Variants in CSMD1 observed in about 807,000 individuals in gnomAD.
The protein encoded by CSMD1 is CUB and Sushi multiple domains 1.
A neutral mutation model predicts 417.5 loss-of-function variants in CSMD1; 213 were observed. The ratio of observed to expected loss-of-function variants is 0.51; its 90% confidence interval spans 0.46 to 0.57. CSMD1 has a LOEUF of 0.57. Ranked by LOEUF, CSMD1 falls within the 20% of genes least tolerant of loss-of-function variation. The pLI, the probability that CSMD1 is intolerant of heterozygous loss-of-function variation, is 0.00. For synonymous variants in CSMD1, 2,862 were observed against 1,736.8 expected (o/e 1.65, Z -16.11); for missense variants, 6,923 against 4,529.7 (o/e 1.53, Z -15.17).
intron 2 of CSMD1, among the ~76,000 whole-genome samples, chr8:4,512,724 C>A (rs1416491814): frequency 1.3e-5 from 2 of 151,518 alleles, no homozygotes; most frequent in South Asian, 2.1e-4. Context: ...AGATATAAAT[C>A]TAGCAAAATA....
chr8:3,173,224 GT>G (rs1209014942), intron 37 of CSMD1, among the ~76,000 whole-genome samples: 2 of 152,094 alleles, frequency 1.3e-5, no homozygotes, highest in East Asian at 1.9e-4. Flanking sequence ...TCTGTTATTA[GT>G]TTTTTGTGTT....
At chr8:3,826,075 C>G (rs532969363) in intron 5 of CSMD1, among the ~76,000 whole-genome samples, 7 of 152,250 alleles carry the variant, frequency 4.6e-5, no homozygotes, top group Admixed American at 6.5e-5. Flanking sequence ...TTTTGTAACA[C>G]CCAAGCTATA....
chr8:4,768,986 C>A (rs1796469607), intron 1 of CSMD1, among the ~76,000 whole-genome samples: 2 of 152,052 alleles, frequency 1.3e-5, no homozygotes, highest in Admixed American at 1.3e-4. Flanking sequence ...ACTGTTATTT[C>A]ATGTGAAGAA....
chr8:3,527,268 T>C (rs1405395190), intron 10 of CSMD1, among the ~76,000 whole-genome samples: 2 of 152,222 alleles, frequency 1.3e-5, no homozygotes, highest in Non-Finnish European at 2.9e-5. Flanking sequence ...TGATAGGGAA[T>C]TATAATGGGA....
intron 1 of CSMD1, among the ~76,000 whole-genome samples, chr8:4,860,578 C>A (rs924895577): frequency 1.3e-5 from 2 of 152,038 alleles, no homozygotes; most frequent in Admixed American, 6.5e-5. Flanking sequence ...CCTGCAGAAT[C>A]ATGAGCCAAT....
chr8:3,360,590 A>C (rs1585051349), intron 20 of CSMD1, among the ~76,000 whole-genome samples: 1 of 152,254 alleles, frequency 6.6e-6, no homozygotes, highest in South Asian at 2.1e-4. Context: ...AATGGTAAGA[A>C]GAGTTTCAGA....
chr8:4,048,609 A>G (rs1014896871), intron 3 of CSMD1, among the ~76,000 whole-genome samples: 1 of 152,236 alleles, frequency 6.6e-6, no homozygotes, highest in Non-Finnish European at 1.5e-5. Flanking sequence ...AACAGCACAC[A>G]CCAAACAGGT....
intron 3 of CSMD1, among the ~76,000 whole-genome samples, chr8:4,208,508 G>C (rs144694337): frequency 8.5e-5 from 13 of 152,250 alleles, no homozygotes; most frequent in African/African-American, 3.1e-4. Context: ...TTATTAATCT[G>C]TGATATACCA....
intron 12 of CSMD1, among the ~76,000 whole-genome samples, chr8:3,442,728 T>C (rs531840357): frequency 7.2e-5 from 11 of 152,356 alleles, no homozygotes; most frequent in Admixed American, 1.3e-4. Context: ...TGCATATGCA[T>C]GTATATATAC....
chr8:4,931,525 C>A (rs975384764), intron 1 of CSMD1, among the ~76,000 whole-genome samples: 1 of 152,160 alleles, frequency 6.6e-6, no homozygotes, highest in Non-Finnish European at 1.5e-5. Context: ...AACCATCCAA[C>A]GCAAGGTGAC....
intron 2 of CSMD1, among the ~76,000 whole-genome samples, chr8:4,604,831 T>C (rs1041730847): frequency 6.6e-6 from 1 of 152,234 alleles, no homozygotes; most frequent in East Asian, 1.9e-4. Flanking sequence ...CAGCCAAGGA[T>C]CTGTCAGTAT....
intron 1 of CSMD1, among the ~76,000 whole-genome samples, chr8:4,791,120 G>A (rs564624594): frequency 6.6e-6 from 1 of 152,122 alleles, no homozygotes. Flanking sequence ...AGAAGAGACG[G>A]GGAGGGAGAA....
chr8:3,734,541 T>A (rs1039228901), intron 6 of CSMD1, among the ~76,000 whole-genome samples: 1 of 152,134 alleles, frequency 6.6e-6, no homozygotes, highest in African/African-American at 2.4e-5. Context: ...TGAAACCCTG[T>A]CTCTACTAAA....
chr8:4,969,928 G>A (rs960462459), intron 1 of CSMD1, among the ~76,000 whole-genome samples: 5 of 151,974 alleles, frequency 3.3e-5, no homozygotes, highest in Admixed American at 6.6e-5. Flanking sequence ...AGTATACTAC[G>A]GTTAAAACTG....
intron 3 of CSMD1, among the ~76,000 whole-genome samples, chr8:4,272,240 C>G (rs141704262): frequency 2.6e-5 from 4 of 152,200 alleles, no homozygotes; most frequent in African/African-American, 9.6e-5. Context: ...ACTTTATGCC[C>G]TTAATAGGTT....
intron 2 of CSMD1, among the ~76,000 whole-genome samples, chr8:4,592,360 A>G (rs1697696338): frequency 6.6e-6 from 1 of 151,828 alleles, no homozygotes; most frequent in Non-Finnish European, 1.5e-5. Context: ...TTTAAAAAAT[A>G]TACTCTTCCG....
intron 3 of CSMD1, among the ~76,000 whole-genome samples, chr8:4,374,908 C>T (rs896965940): frequency 5.6e-5 from 7 of 125,698 alleles, no homozygotes; most frequent in African/African-American, 2.2e-4. Context: ...TGATCTGTTC[C>T]AGGTTTCTAA....
chr8:3,542,551 G>T (rs1347309777), intron 10 of CSMD1, among the ~76,000 whole-genome samples: 1 of 152,118 alleles, frequency 6.6e-6, no homozygotes, highest in Non-Finnish European at 1.5e-5. Context: ...GAAGGAACAC[G>T]GAACAGGGTT....
intron 3 of CSMD1, among the ~76,000 whole-genome samples, chr8:4,419,228 G>T (rs972092110): frequency 1.3e-5 from 2 of 152,138 alleles, no homozygotes; most frequent in Non-Finnish European, 2.9e-5. Context: ...ACAGACAGTA[G>T]CTCTTGTATT....
Sources: allele counts gnomAD v4.1 joint callset (sites outside exome capture counted in the v4.1 genomes callset), GRCh38; gene constraint gnomAD v4.1.1; transcripts MANE v1.5; gene names NCBI Gene and HGNC (gene_info 2026-07-23, HGNC 2026-07-21).